The following NELL1 variants were observed in gnomAD, a reference collection of about 807,000 sequenced individuals.
The protein encoded by NELL1 is neural EGFL like 1.
A neutral mutation model predicts 107.4 loss-of-function variants in NELL1; 76 were observed. The observed-to-expected ratio is 0.71, with a 90% CI of 0.59 to 0.86. The LOEUF is 0.86. Among genes scored for constraint, NELL1 ranks in the 40% least tolerant of loss-of-function variants. The pLI, the probability that NELL1 is intolerant of heterozygous loss-of-function variation, is 0.00. For synonymous variants in NELL1, 353 were observed against 341.2 expected, an observed-to-expected ratio of 1.03 and a Z score of -0.38; for missense variants, 1,024 against 1,005.5, an observed-to-expected ratio of 1.02 and a Z score of -0.25.
intron 3 of NELL1, among the ~76,000 whole-genome samples, chr11:20,837,719 C>T (rs1848558793): frequency 6.6e-6 from 1 of 152,074 alleles, no homozygotes; most frequent in South Asian, 2.1e-4. Flanking sequence ...AAACGTCCAA[C>T]AGCTAAAGCT....
rs796342938 is a variant in NELL1, at chr11:21,181,375, CAG to C, written c.1427-47956_1427-47955del. ...GTGATACTAGGCAAGTGGATTTACT[CAG>C]GGGATATTTATTGAAAGGAGAAAAA... On this transcript the variant is annotated intron_variant, in intron 13 of 19. Coordinates refer to ENST00000357134, the MANE Select transcript of NELL1 (RefSeq NM_006157.5). 1.4e-4 allele frequency among the ~76,000 whole-genome samples: 21 copies of C among 151,340 alleles called. 2 individuals carry two copies. The highest frequency in any genetic ancestry group is 4.9e-4 in the African/African-American group (20 of 40,904).
chr11:21,164,123 A>G (rs1033776266), intron 13 of NELL1, among the ~76,000 whole-genome samples: 4 of 152,158 alleles, frequency 2.6e-5, no homozygotes, highest in Admixed American at 2.6e-4. Flanking sequence ...TAGCCTCCAG[A>G]ACTGTGGGAA....
chr11:20,988,313 A>G (rs1851893299), intron 12 of NELL1, among the ~76,000 whole-genome samples: 2 of 151,982 alleles, frequency 1.3e-5, no homozygotes, highest in East Asian at 1.9e-4. Flanking sequence ...ATTCCACAAG[A>G]CCTATTACCA....
intron 3 of NELL1, among the ~76,000 whole-genome samples, chr11:20,825,931 T>C (rs958963753): frequency 2.6e-5 from 4 of 151,238 alleles, no homozygotes; most frequent in Non-Finnish European, 4.4e-5. Flanking sequence ...GAGAGGGACC[T>C]TGTGGGAGGT....
Position 21,537,644 on chromosome 11 carries a change from G to GT in NELL1, c.1786+3132dup, listed in dbSNP as rs1856171080. Among the ~76,000 whole-genome samples, 4 of 151,634 alleles carry GT rather than the reference G, an allele frequency of 2.6e-5. No individual in the cohort carries two copies. In the South Asian group the frequency reaches 6.2e-4, roughly 24 times the overall value. On this transcript the variant is annotated intron_variant, in intron 16 of 19. Coordinates refer to ENST00000357134, the MANE Select transcript of NELL1 (RefSeq NM_006157.5). ...TGTAATATTCTCTTGCCTCAAACAA[G>GT]TTGTTTGAGGGCAGAGACCTTGTTT...
intron 15 of NELL1, among the ~76,000 whole-genome samples, chr11:21,488,551 A>G (rs1313556330): frequency 6.6e-6 from 1 of 152,154 alleles, no homozygotes; most frequent in Non-Finnish European, 1.5e-5. Flanking sequence ...CTAGGATACC[A>G]GGTGGGCCAG....
chr11:21,267,252 AT>A (rs1248288200), intron 14 of NELL1, among the ~76,000 whole-genome samples: 1 of 152,112 alleles, frequency 6.6e-6, no homozygotes, highest in Non-Finnish European at 1.5e-5. Context: ...AATGTTACTT[AT>A]AATAATATCA....
intron 2 of NELL1, among the ~76,000 whole-genome samples, chr11:20,680,119 C>A (rs796940915): frequency 6.6e-5 from 10 of 152,168 alleles, no homozygotes; most frequent in African/African-American, 2.2e-4. Context: ...ATATTCGGCT[C>A]ACCTAGAAAT....
chr11:20,930,139 T>C lies in NELL1; in HGVS notation c.997+1660T>C, dbSNP rs373216928. Among the ~76,000 whole-genome samples, 4 of 152,294 alleles carry C rather than the reference T, an allele frequency of 2.6e-5. 1 individual carries two copies. The South Asian group carries it at 8.3e-4, about 32-fold the overall frequency. ...CTTCGGCAGGTTTGTGTCTTAACTT[T>C]TTGACGTTTTTTTAAAATTATAAAA... On this transcript the variant is annotated intron_variant, in intron 9 of 19. Coordinates refer to ENST00000357134, the MANE Select transcript of NELL1 (RefSeq NM_006157.5).
chr11:20,889,291 G>GT (rs1374661845), intron 5 of NELL1, among the ~76,000 whole-genome samples: 1 of 152,176 alleles, frequency 6.6e-6, no homozygotes, highest in African/African-American at 2.4e-5. Context: ...TGAACAGCTG[G>GT]TTTTTAAACA....
chr11:21,203,128 C>T (rs1400394861), intron 13 of NELL1, among the ~76,000 whole-genome samples: 2 of 152,100 alleles, frequency 1.3e-5, no homozygotes, highest in African/African-American at 4.8e-5. Flanking sequence ...CTGTAGATGT[C>T]TTTTAGGTCC....
intron 10 of NELL1, among the ~76,000 whole-genome samples, chr11:20,938,930 CTCTCTCTCTCTG>C (rs753369591): frequency 5.8e-4 from 71 of 123,430 alleles, no homozygotes; most frequent in Admixed American, 6.5e-4. Flanking sequence ...CTCTCTCTCT[CTCTCTCTCTCTG>C]TGTGTGTGTG....
chr11:21,100,172 A>G (rs556732366), intron 12 of NELL1, among the ~76,000 whole-genome samples: 1 of 152,108 alleles, frequency 6.6e-6, no homozygotes, highest in East Asian at 1.9e-4. Flanking sequence ...ATGCAGCACC[A>G]CGCCTGGATA....
chr11:21,258,404 A>G (rs1858823342), intron 14 of NELL1, among the ~76,000 whole-genome samples: 1 of 152,030 alleles, frequency 6.6e-6, no homozygotes, highest in Non-Finnish European at 1.5e-5. Context: ...AAGTAATAGA[A>G]TGTATATAAA....
chr11:21,462,831 T>G (rs1398260620), intron 15 of NELL1, among the ~76,000 whole-genome samples: 1 of 152,038 alleles, frequency 6.6e-6, no homozygotes, highest in African/African-American at 2.4e-5. Flanking sequence ...AAATTTTGAG[T>G]AGTCTGCTGG....
At position 21,336,337 on chromosome 11, in the gene NELL1, G is replaced by A. The variant is rs375990331; in HGVS notation, c.1550-34516G>A. The stretch of plus-strand genomic sequence containing the variant: ...GAAGCTCACAACTCTCCATACGTTT[G>A]TACCCATTGTTAACAGTGAATCACT... On this transcript the variant is annotated intron_variant, in intron 14 of 19. Transcript: ENST00000357134. Among the ~76,000 whole-genome samples, 278 of 152,032 alleles carry A rather than the reference G, an allele frequency of 1.8e-3. 9 individuals are homozygous for A. In the South Asian group the frequency reaches 0.054, roughly 29 times the overall value.
chr11:20,974,718 C>T (rs1851569774), intron 12 of NELL1, among the ~76,000 whole-genome samples: 1 of 152,132 alleles, frequency 6.6e-6, no homozygotes, highest in Admixed American at 6.6e-5. Flanking sequence ...CTGGGCTGCT[C>T]TTCTGGAAAT....
intron 14 of NELL1, among the ~76,000 whole-genome samples, chr11:21,329,238 C>G (rs1162096465): frequency 6.6e-6 from 1 of 152,110 alleles, no homozygotes; most frequent in Non-Finnish European, 1.5e-5. Context: ...TCATGCTGTT[C>G]TCATGACAGT....
intron 4 of NELL1, among the ~76,000 whole-genome samples, chr11:20,872,290 C>T (rs1471942690): frequency 6.6e-6 from 1 of 151,500 alleles, no homozygotes; most frequent in Non-Finnish European, 1.5e-5. Flanking sequence ...TTCTCCCGCT[C>T]CCACCTCAGC....
Sources: gnomAD v4.1 joint callset for allele counts (sites outside exome capture counted in the v4.1 genomes callset) on GRCh38, gnomAD v4.1.1 for gene constraint, MANE v1.5 for transcripts, NCBI Gene and HGNC (gene_info 2026-07-23, HGNC 2026-07-21) for gene names.